EIF4E3: variants seen among roughly 807,000 people sequenced by gnomAD.
The protein encoded by EIF4E3 is eukaryotic translation initiation factor 4E type 3.
EIF4E3 carries 26 observed loss-of-function variants against 31.7 expected under a neutral mutation model. That is an observed-to-expected ratio of 0.82 (90% CI 0.60 to 1.14). The LOEUF (loss-of-function observed/expected upper bound fraction) is 1.14. Among genes scored for constraint, EIF4E3 ranks in the 50% most tolerant of loss-of-function variants. EIF4E3 has a pLI of 0.00. For missense variants in EIF4E3, 304 were observed against 270.9 expected, an observed-to-expected ratio of 1.12 and a Z score of -0.86; for synonymous variants, 128 against 107.7, an observed-to-expected ratio of 1.19 and a Z score of -1.17.
At chr3:71,664,767 C>T in the EIF4E3 span, among the ~76,000 whole-genome samples, 2 of 152,056 alleles carry the variant, frequency 1.3e-5, no homozygotes, top group Non-Finnish European at 1.5e-5. Flanking sequence ...CCCAGCTACT[C>T]GGGAGGCTGA....
chr3:71,730,623 T>C (rs1278904773), intron 1 of EIF4E3, among the ~76,000 whole-genome samples: 1 of 152,180 alleles, frequency 6.6e-6, no homozygotes, highest in African/African-American at 2.4e-5. Context: ...TGAGGTTTGG[T>C]TGTCCCACTC....
At chr3:71,671,176 T>C (rs1029615741), downstream of EIF4E3, among the ~76,000 whole-genome samples, 8 of 152,090 alleles carry the variant, frequency 5.3e-5, no homozygotes, top group African/African-American at 1.9e-4. Context: ...TCGAAGGCCA[T>C]AGAGGAGGCT....
At chr3:71,714,604 C>T (rs79468420) in intron 1 of EIF4E3, among the ~76,000 whole-genome samples, 504 of 152,294 alleles carry the variant, frequency 3.3e-3, no homozygotes, top group Non-Finnish European at 5.7e-3. Flanking sequence ...ACCAATGTGC[C>T]CAAACCTCAT....
At chr3:71,663,488 C>A in the EIF4E3 span, among the ~76,000 whole-genome samples, 1 of 152,184 alleles carries the variant, frequency 6.6e-6, no homozygotes, top group Non-Finnish European at 1.5e-5. Flanking sequence ...TCCATGCAGT[C>A]GGCAAAATGA....
intron 6 of EIF4E3, among the ~76,000 whole-genome samples, chr3:71,686,502 A>C (rs76063278): frequency 6.6e-6 from 1 of 151,564 alleles, no homozygotes; most frequent in Non-Finnish European, 1.5e-5. Context: ...AATTTAATAG[A>C]ACATTTCTCA....
chr3:71,659,947 C>G, the EIF4E3 span, among the ~76,000 whole-genome samples: 3 of 152,358 alleles, frequency 2.0e-5, no homozygotes, highest in Admixed American at 2.0e-4. Context: ...CTTTGCTATT[C>G]AGCCTGTGGT....
At chr3:71,660,383 C>G in the EIF4E3 span, among the ~76,000 whole-genome samples, 1 of 151,942 alleles carries the variant, frequency 6.6e-6, no homozygotes, top group African/African-American at 2.4e-5. Flanking sequence ...TGCAGGAGTG[C>G]AGAATTGCTA....
chr3:71,749,820 T>C (rs895703921), intron 1 of EIF4E3, among the ~76,000 whole-genome samples: 2 of 152,222 alleles, frequency 1.3e-5, no homozygotes, highest in Admixed American at 1.3e-4. Context: ...GATGAAGGCA[T>C]GCAATTTGGT....
At chr3:71,696,761 G>C (rs1397994327) in intron 3 of EIF4E3, among the ~76,000 whole-genome samples, 1 of 148,102 alleles carries the variant, frequency 6.8e-6, no homozygotes. Context: ...TGTCACCCAG[G>C]CTGGAGTGCA....
downstream of EIF4E3, among the ~76,000 whole-genome samples, chr3:71,674,133 G>A (rs1372085455): frequency 1.9e-5 from 2 of 107,042 alleles, no homozygotes; most frequent in East Asian, 2.7e-4. Context: ...TTGAGACAGC[G>A]CCTCGCTGTG....
chr3:71,731,248 A>T (rs2049703248), intron 1 of EIF4E3, among the ~76,000 whole-genome samples: 1 of 152,118 alleles, frequency 6.6e-6, no homozygotes, highest in Non-Finnish European at 1.5e-5. Context: ...CTGGTGGCCA[A>T]CAGTACTTGG....
At chr3:71,732,307 C>G (rs1210233821) in intron 1 of EIF4E3, among the ~76,000 whole-genome samples, 1 of 152,190 alleles carries the variant, frequency 6.6e-6, no homozygotes, top group African/African-American at 2.4e-5. Flanking sequence ...ACCAAACACA[C>G]CCCAGATAGG....
intron 1 of EIF4E3, among the ~76,000 whole-genome samples, chr3:71,732,698 C>T (rs2049719778): frequency 6.6e-6 from 1 of 152,212 alleles, no homozygotes; most frequent in South Asian, 2.1e-4. Flanking sequence ...AGAAACTGGA[C>T]TGAAGGGGAG....
At chr3:71,707,136 TAGA>T (rs759537903) in intron 2 of EIF4E3, among the ~76,000 whole-genome samples, 1 of 152,214 alleles carries the variant, frequency 6.6e-6, no homozygotes, top group Non-Finnish European at 1.5e-5. Flanking sequence ...GATATCTCAG[TAGA>T]AGTAGACAAA....
At position 71,678,383 on chromosome 3, in the gene EIF4E3, C is replaced by T. The variant is rs2048890311; in HGVS notation, c.*6299G>A. ...AAAATGAAGAAGCACAAATTCATAG[C>T]AATATAGTCCCAAATTAGAAAATTG... On this transcript the variant is annotated 3_prime_UTR_variant, in exon 7 of 7. Transcript: ENST00000425534. The T allele has an allele frequency of 6.6e-6, 1 of 152,142 alleles. No homozygotes were observed. The highest frequency in any genetic ancestry group is 1.5e-5 in the Non-Finnish European group (1 of 68,020). The allele number at this position is 152,142 out of a possible 1,614,324, so 9.4% of individuals were successfully genotyped here.
chr3:71,714,538 G>C (rs576457392), intron 1 of EIF4E3, among the ~76,000 whole-genome samples: 24 of 152,304 alleles, frequency 1.6e-4, no homozygotes, highest in African/African-American at 5.8e-4. Flanking sequence ...GCGGGCCAGA[G>C]GAAGGCATGG....
chr3:71,723,038 C>A (rs1445891690), intron 1 of EIF4E3, among the ~76,000 whole-genome samples: 1 of 152,136 alleles, frequency 6.6e-6, no homozygotes, highest in Non-Finnish European at 1.5e-5. Context: ...AGGTAGGATG[C>A]CAAAGGGGAG....
At chr3:71,701,039 G>T (rs2049209792) in intron 2 of EIF4E3, among the ~76,000 whole-genome samples, 1 of 152,120 alleles carries the variant, frequency 6.6e-6, no homozygotes, top group Non-Finnish European at 1.5e-5. Flanking sequence ...GAGGAAGAGG[G>T]CCCTCACCTG....
In EIF4E3 at chr3:71,725,338, G is replaced by C. The variant is rs926238724; in HGVS notation, c.30C>G (p.Pro10=). Residue 10 remains proline, a synonymous_variant, in exon 1 of 7, where the codon CCC becomes CCG. Transcript: ENST00000425534. This position sits in a 1 kb window ranked among gnomAD's most constrained non-coding sequence, Gnocchi z 6.1. ...ACCCCGGCGGCTCCCGGGCCCCGGC[G>C]GGGGGCGCGGCGGCCGGGGGCAGCG... MALPPAAAP[P]AGAREPPGSR... 4.6e-5 allele frequency: 45 copies of C among 971,038 alleles called. No individual in the cohort carries two copies. Among genetic ancestry groups the C allele is most frequent in the Admixed American group, 6.4e-5 (1 of 15,698 alleles). The allele number at this position is 971,038 out of a possible 1,614,324, so 60.2% of individuals were successfully genotyped here.
Sources: gnomAD v4.1 joint callset for allele counts (sites outside exome capture counted in the v4.1 genomes callset) on GRCh38, gnomAD v4.1.1 for gene constraint, Gnocchi (gnomAD v3.1) non-coding constraint, MANE v1.5 for transcripts, NCBI Gene and HGNC (gene_info 2026-07-23, HGNC 2026-07-21) for gene names.